FANCA: variants seen among roughly 807,000 people sequenced by gnomAD.
The protein encoded by FANCA is FA complementation group A, also known as Fanconi anemia group A protein.
FANCA carries 236 observed loss-of-function variants against 194.3 expected under a neutral mutation model. The ratio of observed to expected loss-of-function variants is 1.21; its 90% confidence interval spans 1.09 to 1.35. The LOEUF is 1.35. Among genes scored for constraint, FANCA ranks in the 40% most tolerant of loss-of-function variants. The pLI is 0.00. For synonymous variants in FANCA, 1,014 were observed against 715.8 expected (o/e 1.42, Z -6.65); for missense variants, 2,628 against 1,813.9 (o/e 1.45, Z -8.15).
chr16:89,813,509 T>C (rs1334316256), intron 3 of FANCA, among the ~76,000 whole-genome samples: 1 of 152,040 alleles, frequency 6.6e-6, no homozygotes, highest in African/African-American at 2.4e-5. Flanking sequence ...CTCGGCTCAA[T>C]GCAACCTCTG....
chr16:89,770,266 A>G lies in FANCA; in HGVS notation c.2223-7T>C. On this transcript the variant is annotated splice_region_variant and splice_polypyrimidine_tract_variant and intron_variant, in intron 24 of 42. Transcript: ENST00000389301. ...GGCAGCCCAGGGACCCTGCCTGCAG[A>G]GACAGCCGTGAAACCATCAGTACTA... 1.3e-6 allele frequency: 2 copies of G among 1,567,628 alleles called. No individual in the cohort carries two copies. The highest frequency in any genetic ancestry group is 1.7e-6 in the Non-Finnish European group (2 of 1,155,862).
rs569111592 is a variant in FANCA, at chr16:89,795,935, T to C, written c.977A>G (p.Gln326Arg). The change falls in exon 11 of 43, where the codon CAG becomes CGG. Residue 326 changes from glutamine (Q) to arginine (R), a missense_variant. Gln to Arg is a conservative substitution (Grantham distance 43). Coordinates refer to ENST00000389301, the MANE Select transcript of FANCA (RefSeq NM_000135.4). ...CAGCACAGGGCTGTGAGTGAGTATCTGAGTCAGGGTATGACTGAAGAACCT... is the reference window on the plus strand; with the variant it reads ...CAGCACAGGGCTGTGAGTGAGTATCCGAGTCAGGGTATGACTGAAGAACCT... Reference protein sequence around the residue: ...LKRFFSHTLTQILTHSPVLKA... With the variant: ...LKRFFSHTLTRILTHSPVLKA... The C allele has an allele frequency of 2.5e-6, 4 of 1,614,080 alleles. No homozygotes were observed. The Admixed American group carries it at 5.0e-5, about 20-fold the overall frequency.
chr16:89,738,269 C>G lies in FANCA; in HGVS notation c.*332G>C. On this transcript the variant is annotated 3_prime_UTR_variant, in exon 43 of 43. Transcript: ENST00000389301. ...TGAGGACGGCAGTGAGGATGAGCAC[C>G]TCTAGCAGCCTGGACTCCGCAGTGG... 1 of 1,572,284 alleles carries G rather than the reference C, an allele frequency of 6.4e-7. No homozygotes were observed. Among genetic ancestry groups the G allele is most frequent in the Non-Finnish European group, 8.6e-7 (1 of 1,160,412 alleles).
chr16:89,782,923 A>C lies in FANCA; in HGVS notation c.1567-5T>G, dbSNP rs746014069. ...TCCCATGTTTTCTATAGAAACCTTC[A>C]GGGAAGACACAGAATGAGAACAAGA... On this transcript the variant is annotated splice_region_variant and splice_polypyrimidine_tract_variant and intron_variant, in intron 16 of 42. Transcript: ENST00000389301. The C allele has an allele frequency of 3.1e-6, 5 of 1,613,928 alleles. No individual in the cohort carries two copies. The highest frequency in any genetic ancestry group is 2.5e-6 in the Non-Finnish European group (3 of 1,179,754).
chr16:89,745,200 C>T, intron 35 of FANCA, 129 bp from the exon 36 acceptor site: 4 of 834,972 alleles, frequency 4.8e-6, no homozygotes, highest in Non-Finnish European at 7.8e-6. Flanking sequence ...CGCTCTGGAA[C>T]TCCAAAGCCA....
chr16:89,794,440 G>C (rs573631681), intron 11 of FANCA, among the ~76,000 whole-genome samples: 63 of 151,270 alleles, frequency 4.2e-4, no homozygotes, highest in Middle Eastern at 6.8e-3. Context: ...ATTCAAGCTT[G>C]GCAGGGAATA....
chr16:89,814,235 C>T (rs986509878), intron 3 of FANCA, among the ~76,000 whole-genome samples: 4 of 152,180 alleles, frequency 2.6e-5, no homozygotes, highest in African/African-American at 9.7e-5. Context: ...CTTCCATGAG[C>T]AAGGGGCACA....
intron 23 of FANCA, 84 bp from the exon 24 acceptor site, chr16:89,770,718 C>T: frequency 1.7e-6 from 2 of 1,199,256 alleles, no homozygotes; most frequent in South Asian, 1.3e-5. Flanking sequence ...CCGCCACAGA[C>T]ATCGCAATTC....
intron 14 of FANCA, among the ~76,000 whole-genome samples, chr16:89,787,224 G>T (rs961870821): frequency 1.3e-5 from 2 of 152,098 alleles, no homozygotes; most frequent in African/African-American, 2.4e-5. Context: ...AGCCCAGGAG[G>T]TCAAGACCAG....
chr16:89,813,846 G>C (rs1432248222), intron 3 of FANCA, among the ~76,000 whole-genome samples: 1 of 151,410 alleles, frequency 6.6e-6, no homozygotes. Context: ...GTGTGCACGT[G>C]CGTGCATGTA....
intron 3 of FANCA, among the ~76,000 whole-genome samples, chr16:89,811,978 G>A (rs979501908): frequency 3.3e-5 from 5 of 151,298 alleles, no homozygotes; most frequent in East Asian, 2.0e-4. Context: ...TAATCCGCCC[G>A]CCTCGGCCTC....
At position 89,752,157 on chromosome 16, in the gene FANCA, T is replaced by C. The variant is rs1303235237; in HGVS notation, c.3047A>G (p.Asp1016Gly). Residue 1016 changes from aspartate to glycine, a missense_variant, in exon 31 of 43, where the codon GAT (aspartate) becomes GGT (glycine). Physicochemically the swap from Asp to Gly is moderately conservative, Grantham distance 94. Coordinates refer to ENST00000389301, the MANE Select transcript of FANCA (RefSeq NM_000135.4). ...ACTCACCTGCAATCTGGAAATAATA[T>C]CCTCATTTCCTGTGCGGCCACCAAA... ...LVFGGRTGNE[D>G]IISRLQEMVA... The C allele has an allele frequency of 6.2e-7, 1 of 1,613,872 alleles. No individual in the cohort carries two copies. Among genetic ancestry groups the C allele is most frequent in the African/African-American group, 1.3e-5 (1 of 74,894 alleles).
intron 30 of FANCA, among the ~76,000 whole-genome samples, chr16:89,752,530 C>G (rs1442592463): frequency 6.6e-6 from 1 of 152,198 alleles, no homozygotes; most frequent in African/African-American, 2.4e-5. Context: ...AAATATAAAA[C>G]AAGAATAGTT....
rs374944842 is a variant in FANCA, at chr16:89,755,944, G to A, written c.2981+2633C>T. Among the ~76,000 whole-genome samples the A allele has an allele frequency of 1.7e-4, 26 of 151,974 alleles. No individual in the cohort carries two copies. The East Asian group carries it at 4.4e-3, about 26-fold the overall frequency. Reference sequence around the variant, plus strand: ...CGCGCAGAAACAGACCAGAGCCCCCGCACACCTAGGCCACATGGCACGGCC... The same window carrying A: ...CGCGCAGAAACAGACCAGAGCCCCCACACACCTAGGCCACATGGCACGGCC... On this transcript the variant is annotated intron_variant, in intron 30 of 42. Coordinates refer to ENST00000389301, the MANE Select transcript of FANCA (RefSeq NM_000135.4).
At chr16:89,760,363 T>G (rs770247053) in intron 29 of FANCA, among the ~76,000 whole-genome samples, 2 of 152,222 alleles carry the variant, frequency 1.3e-5, no homozygotes, top group South Asian at 4.1e-4. Context: ...ATTACTTCCA[T>G]TGGTTTCATC....
chr16:89,804,660 G>C (rs763587728), intron 7 of FANCA, among the ~76,000 whole-genome samples: 7 of 152,134 alleles, frequency 4.6e-5, no homozygotes, highest in African/African-American at 7.2e-5. Flanking sequence ...TTGGTCCCTA[G>C]TCTGAGCCAT....
Position 89,782,879 on chromosome 16 carries a change from A to C in FANCA, c.1606T>G (p.Ser536Ala), listed in dbSNP as rs1292942037. ...ENMGLYEDLS[S>A]AGDITEPHSQ... Reference sequence around the variant, plus strand: ...ATTACCTCAGTAATGTCCCCAGCTGATGACAAATCCTCGTAGAGTCCCATG... The same window carrying C: ...ATTACCTCAGTAATGTCCCCAGCTGCTGACAAATCCTCGTAGAGTCCCATG... Residue 536 changes from serine to alanine, a missense_variant, in exon 17 of 43, where the codon TCA (serine) becomes GCA (alanine). Ser to Ala is a moderately conservative substitution (Grantham distance 99, BLOSUM62 1). Transcript: ENST00000389301. The C allele has an allele frequency of 1.2e-6, 2 of 1,614,120 alleles. No homozygotes were observed. The highest frequency in any genetic ancestry group is 3.3e-5 in the Admixed American group (2 of 60,024).
intron 14 of FANCA, among the ~76,000 whole-genome samples, chr16:89,785,534 C>A (rs560769107): frequency 1.5e-4 from 23 of 152,248 alleles, no homozygotes; most frequent in Admixed American, 1.4e-3. Context: ...GCAGAGCAAG[C>A]GAGGAACATG....
chr16:89,775,921 AATT>A, intron 20 of FANCA, 106 bp from the exon 21 acceptor site: 1 of 666,458 alleles, frequency 1.5e-6, no homozygotes, highest in Non-Finnish European at 2.5e-6. Context: ...AATTTAAATA[AATT>A]ATAAATACTG....
Sources: gnomAD v4.1 joint callset for allele counts (sites outside exome capture counted in the v4.1 genomes callset) on GRCh38, gnomAD v4.1.1 for gene constraint, MANE v1.5 for transcripts, NCBI Gene and HGNC (gene_info 2026-07-23, HGNC 2026-07-21) for gene names.